Variants in TUBG2 observed in about 807,000 individuals in gnomAD.
TUBG2 encodes tubulin gamma 2, also known as tubulin gamma-2 chain.
In TUBG2, 39 loss-of-function variants were observed where a neutral mutation model predicts 55.1. The ratio of observed to expected loss-of-function variants is 0.71; its 90% confidence interval spans 0.55 to 0.93. The LOEUF is 0.93. Among genes scored for constraint, TUBG2 ranks in the 40% least tolerant of loss-of-function variants. The probability of loss-of-function intolerance (pLI) is 0.00; values close to 1 mark genes in which losing one functional copy is unlikely to be tolerated. For synonymous variants in TUBG2, 223 were observed against 241.0 expected (o/e 0.93, Z 0.69); for missense variants, 358 against 599.1 (o/e 0.60, Z 4.20).
rs1458483949 is a variant in TUBG2, at chr17:42,659,884, G to A, written c.100G>A (p.Glu34Lys). The A allele has an allele frequency of 6.2e-7, 1 of 1,613,820 alleles. No homozygotes were observed. The highest frequency in any genetic ancestry group is 8.5e-7 in the Non-Finnish European group (1 of 1,179,942). ...QLCAEHGISP[E>K]GIVEEFATEG... ...GTGCGCCGAGCATGGTATCAGCCCC[G>A]AGGGCATCGTGGAGGAATTCGCCAC... Residue 34 changes from glutamate (E) to lysine (K), a missense_variant, in exon 2 of 11, where the codon GAG becomes AAG. Glu to Lys is a moderately conservative substitution (Grantham distance 56, BLOSUM62 1). Around this residue, in one of 8 missense-constraint regions of TUBG2, gnomAD observed 32 missense variants for 115.1 expected, o/e 0.28. Transcript: ENST00000251412.
intron 4 of TUBG2, among the ~76,000 whole-genome samples, chr17:42,661,719 T>C (rs979331352): frequency 6.6e-6 from 1 of 152,210 alleles, no homozygotes; most frequent in Non-Finnish European, 1.5e-5. Flanking sequence ...TGGCTGTTTA[T>C]TTGTATCCTT....
At chr17:42,664,133 G>A (rs1024672936) in intron 6 of TUBG2, among the ~76,000 whole-genome samples, 9 of 151,778 alleles carry the variant, frequency 5.9e-5, no homozygotes, top group South Asian at 2.1e-4. Flanking sequence ...AAAATTAGCC[G>A]GGCATGGTGG....
At position 42,666,158 on chromosome 17, in the gene TUBG2, G is replaced by A. The variant is rs1473836480; in HGVS notation, c.915G>A (p.Val305=). Residue 305 remains valine (V), a synonymous_variant, in exon 9 of 11, where the codon GTG becomes GTA. Coordinates refer to ENST00000251412, the MANE Select transcript of TUBG2 (RefSeq NM_016437.3). ...RRLLQPKNVM[V]STGRDRQTNH... ...TGCTGCAGCCCAAGAACGTGATGGT[G>A]TCCACAGGCCGAGACCGCCAGACCA... 6.2e-7 allele frequency: 1 copy of A among 1,614,010 alleles called. No homozygotes were observed. Among genetic ancestry groups the A allele is most frequent in the Non-Finnish European group, 8.5e-7 (1 of 1,179,866 alleles).
In TUBG2 at chr17:42,666,353, C is replaced by T. The variant is rs758226276; in HGVS notation, c.1027C>T (p.Arg343Trp). The T allele has an allele frequency of 5.6e-6, 9 of 1,614,114 alleles. No homozygotes were observed. Among genetic ancestry groups the T allele is most frequent in the African/African-American group, 1.3e-5 (1 of 74,932 alleles). Residue 343 changes from arginine (R) to tryptophan (W), a missense_variant, in exon 10 of 11, where the codon CGG becomes TGG. Transcript: ENST00000251412. ...VHKSLQRIRE[R>W]KLANFIPWGP... The stretch of plus-strand genomic sequence containing the variant: ...CAAGAGCCTGCAGAGGATCCGGGAA[C>T]GGAAGTTGGCCAACTTCATCCCGTG...
At position 42,661,599 on chromosome 17, in the gene TUBG2, A is replaced by G. The variant is rs75081008; in HGVS notation, c.399+892A>G. Reference sequence around the variant, plus strand: ...GGACTGAGTTTGGGGGCTTCCAGGAAGGTGAACAAGAACACATCCACAGGC... The same window carrying G: ...GGACTGAGTTTGGGGGCTTCCAGGAGGGTGAACAAGAACACATCCACAGGC... On this transcript the variant is annotated intron_variant, in intron 4 of 10. Transcript: ENST00000251412. Among the ~76,000 whole-genome samples the G allele has an allele frequency of 3.7e-3, 564 of 152,380 alleles. 33 individuals carry two copies. The East Asian group carries it at 0.091, about 25-fold the overall frequency.
At position 42,666,617 on chromosome 17, in the gene TUBG2, C is replaced by T. The variant is rs374510039; in HGVS notation, c.1173C>T (p.Ser391=). The T allele has an allele frequency of 9.9e-6, 16 of 1,614,128 alleles. No individual in the cohort carries two copies. The highest frequency in any genetic ancestry group is 1.3e-5 in the African/African-American group (1 of 74,952). ...HTSISSLFES[S]CQQFDKLRKR... is the part of the protein sequence containing the mutation. ...ATCTCTTTCAGCTCTTTGAAAGTTC[C>T]TGCCAGCAGTTTGACAAGCTGCGGA... Residue 391 remains serine, a synonymous_variant, in exon 11 of 11, where the codon TCC becomes TCT. Coordinates refer to ENST00000251412, the MANE Select transcript of TUBG2 (RefSeq NM_016437.3).
chr17:42,663,324 AG>A (rs2052434138), intron 5 of TUBG2, 52 bp from the exon 6 acceptor site: 1 of 1,609,294 alleles, frequency 6.2e-7, no homozygotes. Flanking sequence ...ACATATGGGC[AG>A]TGATGGAGGG....
Position 42,666,212 on chromosome 17 carries a change from C to T in TUBG2, c.969C>T (p.Ile323=). The T allele has an allele frequency of 6.2e-7, 1 of 1,613,980 alleles. No individual in the cohort carries two copies. The highest frequency in any genetic ancestry group is 8.5e-7 in the Non-Finnish European group (1 of 1,179,868). The change falls in exon 9 of 11, where the codon ATC becomes ATT. Residue 323 remains isoleucine, a synonymous_variant. Coordinates refer to ENST00000251412, the MANE Select transcript of TUBG2 (RefSeq NM_016437.3). ...ACTGCTACATCGCCATCCTCAACAT[C>T]ATCCAGGGAGAGGTGGACCCCACCC... is the stretch of plus-strand genomic sequence containing the variant. ...TNHCYIAILN[I]IQGEVDPTQV... is the part of the protein sequence containing the mutation.
In TUBG2 at chr17:42,663,363, C is replaced by A; in HGVS notation, c.480-14C>A. ...CCTTCCGGTTCACTATGCCACCATC[C>A]TCTTTTCTCTCAGGTACCCCAAGAA... On this transcript the variant is annotated splice_polypyrimidine_tract_variant and intron_variant, in intron 5 of 10. Transcript: ENST00000251412. The A allele has an allele frequency of 6.2e-7, 1 of 1,613,970 alleles. No homozygotes were observed. The highest frequency in any genetic ancestry group is 8.5e-7 in the Non-Finnish European group (1 of 1,179,928).
Position 42,666,353 on chromosome 17 carries a change from C to G in TUBG2, c.1027C>G (p.Arg343Gly). Residue 343 changes from arginine (R) to glycine (G), a missense_variant, in exon 10 of 11, where the codon CGG (arginine) becomes GGG (glycine). By Grantham distance (125) the Arg-to-Gly change is moderately radical. Coordinates refer to ENST00000251412, the MANE Select transcript of TUBG2 (RefSeq NM_016437.3). Reference protein sequence around the residue: ...VHKSLQRIRERKLANFIPWGP... With the variant: ...VHKSLQRIREGKLANFIPWGP... The stretch of plus-strand genomic sequence containing the variant: ...CAAGAGCCTGCAGAGGATCCGGGAA[C>G]GGAAGTTGGCCAACTTCATCCCGTG... 1 of 1,614,232 alleles carries G rather than the reference C, an allele frequency of 6.2e-7. No individual in the cohort carries two copies.
rs1555636268 is a variant in TUBG2 at position 42,666,818 on chromosome 17, C to A, written c.*18C>A. The A allele has an allele frequency of 5.6e-6, 9 of 1,613,686 alleles. No homozygotes were observed. The Admixed American group carries it at 1.5e-4, about 27-fold the overall frequency. On this transcript the variant is annotated 3_prime_UTR_variant, in exon 11 of 11. Transcript: ENST00000251412. ...AGCAGTGATTTCCCTCCCCACTACTCCTTCTCCTTCTAGATGGTAACCACA... is the reference window on the plus strand; with the variant it reads ...AGCAGTGATTTCCCTCCCCACTACTACTTCTCCTTCTAGATGGTAACCACA...
chr17:42,661,892 C>A (rs1217834620), intron 4 of TUBG2, among the ~76,000 whole-genome samples: 2 of 152,180 alleles, frequency 1.3e-5, no homozygotes, highest in Admixed American at 6.5e-5. Flanking sequence ...CTTGTGTTGG[C>A]ATTGGAAGTG....
At chr17:42,659,749 C>T in intron 1 of TUBG2, 85 bp from the exon 2 acceptor site, 1 of 1,551,480 alleles carries the variant, frequency 6.4e-7, no homozygotes, top group Non-Finnish European at 8.8e-7. Flanking sequence ...GGTCCACCCT[C>T]TGATCGTGTC....
intron 3 of TUBG2, 157 bp downstream of exon 3, chr17:42,660,473 G>C (rs2052357618): frequency 1.4e-6 from 2 of 1,386,060 alleles, no homozygotes. Context: ...CAAATTTTGT[G>C]CAAATCATTT....
At chr17:42,659,746 C>G in intron 1 of TUBG2, 88 bp from the exon 2 acceptor site, 2 of 1,538,352 alleles carry the variant, frequency 1.3e-6, no homozygotes, top group East Asian at 4.6e-5. Context: ...TTGGGTCCAC[C>G]CTCTGATCGT....
In TUBG2 at chr17:42,666,763, A is replaced by G. The variant is rs751650552; in HGVS notation, c.1319A>G (p.Gln440Arg). Reference sequence around the variant, plus strand: ...ATTGATGAGTACCATGCGGCCACCCAGCCAGACTACATTTCCTGGGGCACC... The same window carrying G: ...ATTGATGAGTACCATGCGGCCACCCGGCCAGACTACATTTCCTGGGGCACC... ...ELIDEYHAATQPDYISWGTQE... is the reference protein window; with the variant it reads ...ELIDEYHAATRPDYISWGTQE... The change falls in exon 11 of 11, where the codon CAG (glutamine) becomes CGG (arginine). Residue 440 changes from glutamine (Q) to arginine (R), a missense_variant. Physicochemically the swap from Gln to Arg is conservative, Grantham distance 43. Around this residue, in one of 8 missense-constraint regions of TUBG2, gnomAD observed 54 missense variants for 50.2 expected, o/e 1.08. Coordinates refer to ENST00000251412, the MANE Select transcript of TUBG2 (RefSeq NM_016437.3). 80 of 1,614,030 alleles carry G rather than the reference A, an allele frequency of 5.0e-5. No homozygotes were observed. The highest frequency in any genetic ancestry group is 6.6e-5 in the Non-Finnish European group (78 of 1,180,018).
rs576300385 is a variant in TUBG2, at chr17:42,666,325, C to T, written c.999C>T (p.Val333=). Residue 333 remains valine (V), a splice_region_variant and synonymous_variant, in exon 10 of 11, where the codon GTC becomes GTT. Coordinates refer to ENST00000251412, the MANE Select transcript of TUBG2 (RefSeq NM_016437.3). Reference sequence around the variant, plus strand: ...CACTGCTCCTATGCCCACCCCAGGTCCACAAGAGCCTGCAGAGGATCCGGG... The same window carrying T: ...CACTGCTCCTATGCCCACCCCAGGTTCACAAGAGCCTGCAGAGGATCCGGG... ...IIQGEVDPTQ[V]HKSLQRIRER... 79 of 1,614,098 alleles carry T rather than the reference C, an allele frequency of 4.9e-5. No homozygotes were observed. The highest frequency in any genetic ancestry group is 6.5e-5 in the Non-Finnish European group (77 of 1,180,042).
rs1172702028 is a variant in TUBG2, at chr17:42,665,047, ATTATT to A, written c.607-416_607-412del. On this transcript the variant is annotated intron_variant, in intron 6 of 10. Coordinates refer to ENST00000251412, the MANE Select transcript of TUBG2 (RefSeq NM_016437.3). ...TATTTTATTTTATTTATTTTATTTT[ATTATT>A]TTATTTTATTTTTGAGACGGAGTCT... 4.9e-5 allele frequency among the ~76,000 whole-genome samples: 7 copies of A among 142,934 alleles called. No individual in the cohort carries two copies. The South Asian group carries it at 8.4e-4, about 17-fold the overall frequency. The allele number at this position is 142,934 out of a possible 152,430, so 93.8% of individuals were successfully genotyped here.
intron 5 of TUBG2, 90 bp downstream of exon 5, chr17:42,663,142 C>T: frequency 1.4e-6 from 2 of 1,440,794 alleles, no homozygotes; most frequent in South Asian, 1.2e-5. Flanking sequence ...TCTGCCACTA[C>T]CCCTTTTGAG....
Sources: gnomAD v4.1 joint callset for allele counts (sites outside exome capture counted in the v4.1 genomes callset) on GRCh38, gnomAD v4.1.1 for gene constraint, gnomAD v4.1.1 regional missense constraint, MANE v1.5 for transcripts, NCBI Gene and HGNC (gene_info 2026-07-23, HGNC 2026-07-21) for gene names.